CRLF2: variants seen among roughly 807,000 people sequenced by gnomAD.
CRLF2 encodes the protein cytokine receptor like factor 2, also known as cytokine receptor-like factor 2.
CRLF2 carries 41 observed loss-of-function variants against 38.7 expected under a neutral mutation model. That is an observed-to-expected ratio of 1.06 (90% CI 0.83 to 1.37). The LOEUF (loss-of-function observed/expected upper bound fraction) is 1.37, where lower values mean the gene tolerates loss of function less well. Ranked by LOEUF, CRLF2 falls within the 40% of genes most tolerant of loss-of-function variation. The pLI, the probability that CRLF2 is intolerant of heterozygous loss-of-function variation, is 0.00. For missense variants in CRLF2, 377 were observed against 322.2 expected, an observed-to-expected ratio of 1.17 and a Z score of -1.30; for synonymous variants, 140 against 128.8, an observed-to-expected ratio of 1.09 and a Z score of -0.59.
chrX:1,200,100 G>A (rs1282323778), intron 4 of CRLF2, among the ~76,000 whole-genome samples: 33 of 111,448 alleles, frequency 3.0e-4, no homozygotes, highest in Admixed American at 1.7e-3. Flanking sequence ...TATAAGCTGT[G>A]TGTGTATATA....
intron 6 of CRLF2, among the ~76,000 whole-genome samples, chrX:1,194,439 G>A (rs1369943608): frequency 6.6e-6 from 1 of 152,138 alleles, no homozygotes; most frequent in Non-Finnish European, 1.5e-5. Flanking sequence ...TCCAGCCTGG[G>A]TGACAGAGTG....
chrX:1,195,296 C>G (rs1288062149), intron 6 of CRLF2, among the ~76,000 whole-genome samples: 5 of 152,136 alleles, frequency 3.3e-5, no homozygotes, highest in Non-Finnish European at 7.3e-5. Context: ...TCGTCTAGAA[C>G]TCTCACTGGA....
chrX:1,210,120 AGAAAAG>A (rs1408392954), intron 1 of CRLF2, among the ~76,000 whole-genome samples: 5,478 of 58,776 alleles, frequency 0.093, 489 homozygotes, highest in African/African-American at 0.31. Context: ...AAAAAAGAAA[AGAAAAG>A]AAAAGAAAAG....
At chrX:1,211,345 A>ATGGG (rs1323010480) in intron 1 of CRLF2, among the ~76,000 whole-genome samples, 1 of 129,778 alleles carries the variant, frequency 7.7e-6, no homozygotes, top group Non-Finnish European at 1.7e-5. Context: ...TGGTGGGTGG[A>ATGGG]TGGGTGGATG....
intron 5 of CRLF2, 120 bp from the exon 6 acceptor site, chrX:1,197,020 T>C (rs1488315060): frequency 4.7e-6 from 4 of 848,612 alleles, no homozygotes; most frequent in Non-Finnish European, 5.2e-6. Flanking sequence ...TTCGTTTTTT[T>C]TTCTTGGTTC....
At chrX:1,192,204 C>CAAAAAAAAAA (rs1214481830) in intron 7 of CRLF2, among the ~76,000 whole-genome samples, 1 of 78,806 alleles carries the variant, frequency 1.3e-5, no homozygotes, top group Non-Finnish European at 2.5e-5. Flanking sequence ...GACTCCGTCT[C>CAAAAAAAAAA]AAAAAAAAAA....
chrX:1,206,307 C>T (rs2086690068), intron 3 of CRLF2, 126 bp downstream of exon 3: 1 of 830,104 alleles, frequency 1.2e-6, no homozygotes, highest in South Asian at 1.6e-5. Context: ...GCATGGTGAG[C>T]TTGCTTCTCA....
chrX:1,197,772 C>T (rs1229328695), intron 5 of CRLF2, among the ~76,000 whole-genome samples: 2 of 151,358 alleles, frequency 1.3e-5, no homozygotes, highest in Non-Finnish European at 2.9e-5. Context: ...CAAGACCGTG[C>T]CACTGAACTC....
chrX:1,205,876 G>A (rs1219443437), intron 3 of CRLF2, among the ~76,000 whole-genome samples: 2 of 151,168 alleles, frequency 1.3e-5, no homozygotes, highest in African/African-American at 2.4e-5. Flanking sequence ...AAGGAAGTAC[G>A]AAAAGCATGG....
At chrX:1,191,840 A>G (rs1458955084) in intron 7 of CRLF2, among the ~76,000 whole-genome samples, 2 of 151,968 alleles carry the variant, frequency 1.3e-5, no homozygotes, top group African/African-American at 2.4e-5. Context: ...CCCCAAAAAT[A>G]AAATTCTAAG....
chrX:1,192,353 G>C (rs1273486115), intron 7 of CRLF2, among the ~76,000 whole-genome samples: 3 of 151,960 alleles, frequency 2.0e-5, no homozygotes, highest in African/African-American at 7.3e-5. Flanking sequence ...ACCAGGCGCG[G>C]TGGCTCACGC....
At chrX:1,195,903 G>GATTAAATTAAATATA (rs2086465936) in intron 6 of CRLF2, among the ~76,000 whole-genome samples, 1 of 135,330 alleles carries the variant, frequency 7.4e-6, no homozygotes. Context: ...AATTAAATAT[G>GATTAAATTAAATATA]TATTTATATA....
chrX:1,196,718 G>C, intron 6 of CRLF2, 62 bp downstream of exon 6: 1 of 1,574,904 alleles, frequency 6.3e-7, no homozygotes. Context: ...ATCTTTTTTC[G>C]TACTTCACAG....
At chrX:1,203,192 A>G (rs1448438411) in intron 3 of CRLF2, among the ~76,000 whole-genome samples, 2 of 151,702 alleles carry the variant, frequency 1.3e-5, no homozygotes, top group Non-Finnish European at 2.9e-5. Context: ...ATACTGGAGA[A>G]GGAAGGGTTC....
chrX:1,196,596 C>T (rs1330107229), intron 6 of CRLF2, among the ~76,000 whole-genome samples, 184 bp downstream of exon 6: 1 of 152,008 alleles, frequency 6.6e-6, no homozygotes, highest in African/African-American at 2.4e-5. Flanking sequence ...GCTGGGATGA[C>T]AGGTGTGAGC....
At chrX:1,196,579 C>T (rs756943969) in intron 6 of CRLF2, among the ~76,000 whole-genome samples, 12 of 151,938 alleles carry the variant, frequency 7.9e-5, no homozygotes, top group South Asian at 6.2e-4. Context: ...CCTTGGTCTC[C>T]CCAAGTGCTG....
At position 1,197,032 on chromosome X, in the gene CRLF2, CGTT is replaced by C. The variant is rs1275161346; in HGVS notation, c.647-135_647-133del. The C allele has an allele frequency of 2.8e-5, 19 of 673,446 alleles. No homozygotes were observed. The East Asian group carries it at 5.1e-4, about 18-fold the overall frequency. The allele number at this position is 673,446 out of a possible 1,614,324, so 41.7% of individuals were successfully genotyped here. A position where few individuals can be genotyped will look rare whatever the true frequency, so the allele number is the denominator to read the frequency against. ...GTGTTCGTTTTTTTTTCTTGGTTCT[CGTT>C]GTTTGTTTTTTGTTTTGTTTTTGTT... On this transcript the variant is annotated intron_variant, in intron 5 of 7. Coordinates refer to ENST00000400841, the MANE Select transcript of CRLF2 (RefSeq NM_022148.4).
intron 7 of CRLF2, 131 bp from the exon 8 acceptor site, chrX:1,191,291 TTTTCTC>T (rs2086368399): frequency 2.5e-6 from 1 of 395,740 alleles, no homozygotes. Flanking sequence ...CTTTCTTTTC[TTTTCTC>T]TTTCTTTCTT....
Position 1,208,916 on chromosome X carries a change from CAG to C in CRLF2, c.80-10_80-9del, listed in dbSNP as rs754260864. ...GAATCTGTACTCCTTCTGCTAGACA[CAG>C]AGAGACGCATGAAGTTCACGGTGAG... On this transcript the variant is annotated splice_polypyrimidine_tract_variant and intron_variant, in intron 1 of 7. Transcript: ENST00000400841. 34 of 1,474,940 alleles carry C rather than the reference CAG, an allele frequency of 2.3e-5. No individual in the cohort carries two copies. The highest frequency in any genetic ancestry group is 3.0e-5 in the Non-Finnish European group (32 of 1,054,856). 91.4% of individuals were successfully genotyped at this position (1,474,940 alleles called of 1,614,324 possible).
Sources: allele counts gnomAD v4.1 joint callset (sites outside exome capture counted in the v4.1 genomes callset), GRCh38; gene constraint gnomAD v4.1.1; transcripts MANE v1.5; gene names NCBI Gene and HGNC (gene_info 2026-07-23, HGNC 2026-07-21).